VSTM2A: variants seen among roughly 807,000 people sequenced by gnomAD.
VSTM2A encodes V-set and transmembrane domain containing 2A, also known as V-set and transmembrane domain-containing protein 2A.
A neutral mutation model predicts 27.3 loss-of-function variants in VSTM2A; 13 were observed. The observed-to-expected ratio is 0.48, with a 90% CI of 0.31 to 0.76. The LOEUF (loss-of-function observed/expected upper bound fraction) is 0.76. Among genes scored for constraint, VSTM2A ranks in the 30% least tolerant of loss-of-function variants. VSTM2A has a pLI of 0.05. For missense variants in VSTM2A, 280 were observed against 310.0 expected (o/e 0.90, Z 0.73); for synonymous variants, 142 against 125.7 (o/e 1.13, Z -0.87).
chr7:54,559,784 G>C (rs1449321368), intron 4 of VSTM2A: 1 of 152,132 alleles, frequency 6.6e-6, no homozygotes, highest in African/African-American at 2.4e-5. Context: ...ACATCAAGCA[G>C]CTTCTAGAAT....
intron 1 of VSTM2A, among the ~76,000 whole-genome samples, chr7:54,544,354 C>T (rs1787873920): frequency 6.6e-6 from 1 of 152,134 alleles, no homozygotes; most frequent in African/African-American, 2.4e-5. Flanking sequence ...GATCTACCTG[C>T]GGGGATCTTG....
chr7:54,542,796 G>T lies in VSTM2A; in HGVS notation c.66G>T (p.Gly22=). The T allele has an allele frequency of 6.2e-7, 1 of 1,613,786 alleles. No individual in the cohort carries two copies. Among genetic ancestry groups the T allele is most frequent in the Non-Finnish European group, 8.5e-7 (1 of 1,179,806 alleles). ...TTTCCGTTTTATATGTACAACAAGG[G>T]CTTTCTTCTCAAGGTAAGTCTTGCT... The part of the protein sequence containing the change: ...VFFSVLYVQQ[G]LSSQAKFTEF... Residue 22 remains glycine, a synonymous_variant, in exon 1 of 5, where the codon GGG becomes GGT. Transcript: ENST00000402613.
chr7:54,547,092 A>C (rs1170173207), intron 3 of VSTM2A, 95 bp downstream of exon 3: 24 of 1,409,312 alleles, frequency 1.7e-5, no homozygotes, highest in Non-Finnish European at 2.0e-5. Context: ...GCTGCAGGAC[A>C]GCCGGACAGC....
At position 54,550,068 on chromosome 7, in the gene VSTM2A, G is replaced by A. The variant is rs202226834; in HGVS notation, c.532G>A (p.Ala178Thr). 3.2e-5 allele frequency: 51 copies of A among 1,608,714 alleles called. No homozygotes were observed. The highest frequency in any genetic ancestry group is 1.0e-4 in the South Asian group (9 of 89,888). Reference sequence around the variant, plus strand: ...TATGAAGCCCCGCAAGAACGTCTCCGCAGCCATCCCCAGCAGCATCCATGG... The same window carrying A: ...TATGAAGCCCCGCAAGAACGTCTCCACAGCCATCCCCAGCAGCATCCATGG... The part of the protein sequence containing the change: ...QDMKPRKNVS[A>T]AIPSSIHGSA... Residue 178 changes from alanine (A) to threonine (T), a missense_variant, in exon 4 of 5, where the codon GCA becomes ACA. Physicochemically the swap from Ala to Thr is moderately conservative, Grantham distance 58 (BLOSUM62 0). Coordinates refer to ENST00000402613, the MANE Select transcript of VSTM2A (RefSeq NM_001301009.2).
chr7:54,549,779 G>T (rs1279755525), intron 3 of VSTM2A, 55 bp from the exon 4 acceptor site: 3 of 1,470,442 alleles, frequency 2.0e-6, no homozygotes, highest in African/African-American at 2.8e-5. Context: ...GTAAAAAATG[G>T]AACAAAATCA....
chr7:54,558,520 A>T (rs1404524547), intron 4 of VSTM2A: 1 of 152,152 alleles, frequency 6.6e-6, no homozygotes, highest in African/African-American at 2.4e-5. Flanking sequence ...TAGGAGAGTA[A>T]ACCTAGCATG....
intron 4 of VSTM2A, chr7:54,558,948 T>A (rs1016254131): frequency 2.6e-5 from 4 of 152,076 alleles, no homozygotes; most frequent in African/African-American, 9.6e-5. Context: ...TTTAAGTAAA[T>A]AATATGTAAC....
At chr7:54,549,087 G>T (rs964237875) in intron 3 of VSTM2A, among the ~76,000 whole-genome samples, 31 of 151,128 alleles carry the variant, frequency 2.1e-4, no homozygotes, top group African/African-American at 6.5e-4. Context: ...CTATTAATCT[G>T]GAATAAAACT....
intron 4 of VSTM2A, among the ~76,000 whole-genome samples, chr7:54,562,332 C>A (rs1358603362): frequency 6.6e-6 from 1 of 152,110 alleles, no homozygotes; most frequent in African/African-American, 2.4e-5. Flanking sequence ...TCCCTTCTTT[C>A]TTTTTCTTCT....
chr7:54,562,567 C>G (rs1169537072), intron 4 of VSTM2A, among the ~76,000 whole-genome samples: 2 of 152,212 alleles, frequency 1.3e-5, no homozygotes, highest in African/African-American at 4.8e-5. Flanking sequence ...ACGAGTTATT[C>G]TTTTCTCTGC....
intron 4 of VSTM2A, chr7:54,553,919 C>T: frequency 1.3e-6 from 2 of 1,551,314 alleles, no homozygotes; most frequent in South Asian, 1.2e-5. Flanking sequence ...CTCTACTAGT[C>T]CTTCCTTTCT....
intron 1 of VSTM2A, 48 bp from the exon 2 acceptor site, chr7:54,544,574 G>T: frequency 6.2e-7 from 1 of 1,611,086 alleles, no homozygotes; most frequent in Non-Finnish European, 8.5e-7. Context: ...AAGAGACTCA[G>T]GCAAGAGGGG....
intron 4 of VSTM2A, chr7:54,553,841 T>C (rs773832635): frequency 6.4e-7 from 1 of 1,551,122 alleles, no homozygotes; most frequent in Non-Finnish European, 8.7e-7. Flanking sequence ...AGTCATTCTC[T>C]ACTTGTTTCT....
chr7:54,556,120 G>T (rs1208926069), intron 4 of VSTM2A, among the ~76,000 whole-genome samples: 1 of 152,084 alleles, frequency 6.6e-6, no homozygotes, highest in African/African-American at 2.4e-5. Context: ...TTTTTTAGAG[G>T]CTCTGTTCTG....
At position 54,565,582 on chromosome 7, in the gene VSTM2A, G is replaced by A. The variant is rs568723299; in HGVS notation, c.635-3549G>A. ...GGGCATGAAAGGGCAAGAGGCACGA[G>A]AACAGGAGCTGGTGGCACTCAGGCA... On this transcript the variant is annotated intron_variant, in intron 4 of 4. Transcript: ENST00000402613. Among the ~76,000 whole-genome samples, 12 of 152,334 alleles carry A rather than the reference G, an allele frequency of 7.9e-5. No individual in the cohort carries two copies. In the South Asian group the frequency reaches 2.5e-3, roughly 32 times the overall value.
chr7:54,546,892 AGC>A, intron 2 of VSTM2A, 53 bp from the exon 3 acceptor site: 1 of 1,587,742 alleles, frequency 6.3e-7, no homozygotes, highest in Admixed American at 1.7e-5. Flanking sequence ...CTCGCGTGGG[AGC>A]GGGTGGTCGG....
chr7:54,568,949 C>A (rs547004399), intron 4 of VSTM2A, 182 bp from the exon 5 acceptor site: 246 of 1,539,850 alleles, frequency 1.6e-4, no homozygotes, highest in Non-Finnish European at 2.1e-4. Context: ...TTTAAAACAA[C>A]CTAATAAGGA....
chr7:54,564,693 A>C (rs898492767), intron 4 of VSTM2A, among the ~76,000 whole-genome samples: 4 of 152,136 alleles, frequency 2.6e-5, no homozygotes, highest in Non-Finnish European at 5.9e-5. Flanking sequence ...CATCAATGTA[A>C]ACTTTCCTGG....
intron 2 of VSTM2A, among the ~76,000 whole-genome samples, chr7:54,546,401 C>A (rs1016497010): frequency 6.6e-6 from 1 of 151,694 alleles, no homozygotes; most frequent in African/African-American, 2.4e-5. Flanking sequence ...GGCGCCCCTG[C>A]GAGCCAGCAA....
Sources: allele counts gnomAD v4.1 joint callset (sites outside exome capture counted in the v4.1 genomes callset), GRCh38; gene constraint gnomAD v4.1.1; transcripts MANE v1.5; gene names NCBI Gene and HGNC (gene_info 2026-07-23, HGNC 2026-07-21).